Variants in TRRAP observed in about 807,000 individuals in gnomAD.
The protein encoded by TRRAP is transformation/transcription domain associated protein.
TRRAP carries 41 observed loss-of-function variants against 438.8 expected under a neutral mutation model. The ratio of observed to expected loss-of-function variants is 0.09; its 90% CI spans 0.07 to 0.12. The LOEUF is 0.12. TRRAP is among the 10% of genes least tolerant of loss of function. TRRAP has a pLI of 1.00. For missense variants in TRRAP, 3,122 were observed against 5,055.1 expected (o/e 0.62, Z 11.60); for synonymous variants, 1,994 against 1,962.9 (o/e 1.02, Z -0.42).
chr7:98,921,599 C>CT (rs545720707), intron 20 of TRRAP, among the ~76,000 whole-genome samples, 154 bp from the exon 21 acceptor site: 43 of 152,318 alleles, frequency 2.8e-4, no homozygotes, highest in African/African-American at 1.0e-3. Flanking sequence ...TGGTCTTGAA[C>CT]TCCTGACGTC....
At chr7:98,924,705 A>AG (rs1482830820) in intron 21 of TRRAP, among the ~76,000 whole-genome samples, 1 of 139,218 alleles carries the variant, frequency 7.2e-6, no homozygotes, top group Non-Finnish European at 1.5e-5. Flanking sequence ...AAAAAAAAAA[A>AG]AGGTTCTTCT....
At chr7:98,940,710 G>A (rs562472645) in intron 30 of TRRAP, among the ~76,000 whole-genome samples, 10 of 152,292 alleles carry the variant, frequency 6.6e-5, no homozygotes, top group South Asian at 4.1e-4. Context: ...GCATCCAGAC[G>A]TTTTCATCCA....
rs1793580102 is a variant in TRRAP at position 98,994,928 on chromosome 7, G to A, written c.10309+80G>A. ...TCCGGCTTTAGTGTTGAAGCTGATT[G>A]GATCCTTGGTTTTCTGATCACTGCA... is the stretch of plus-strand genomic sequence containing the variant. On this transcript the variant is annotated intron_variant, in intron 67 of 72. Transcript: ENST00000456197. This position sits in a 1 kb window ranked among gnomAD's most constrained non-coding sequence, Gnocchi z 4.8. 1.3e-6 allele frequency: 2 copies of A among 1,558,212 alleles called. No homozygotes were observed. The highest frequency in any genetic ancestry group is 1.7e-6 in the Non-Finnish European group (2 of 1,152,324).
intron 67 of TRRAP, among the ~76,000 whole-genome samples, chr7:99,000,432 C>A (rs1031988794): frequency 6.6e-6 from 1 of 152,218 alleles, no homozygotes; most frequent in Non-Finnish European, 1.5e-5. Flanking sequence ...TATGGAAATC[C>A]TGCCATGTGG....
rs570799473 is a variant in TRRAP at position 98,961,472 on chromosome 7, C to T, written c.6701C>T (p.Pro2234Leu). ...SRLMSIFPTE[P>L]STSSVASKYE... Reference sequence around the variant, plus strand: ...CTGATGAGCATTTTCCCAACAGAGCCGAGTATGTGACCTTTCCCACCGGTG... The same window carrying T: ...CTGATGAGCATTTTCCCAACAGAGCTGAGTATGTGACCTTTCCCACCGGTG... Residue 2234 changes from proline (P) to leucine (L), a missense_variant and splice_region_variant, in exon 46 of 73, where the codon CCG (proline) becomes CTG (leucine). This residue lies in a region of TRRAP where 992 missense variants were observed against 1,281.2 expected (regional missense o/e 0.77). Coordinates refer to ENST00000456197, the MANE Select transcript of TRRAP (RefSeq NM_001375524.1). 5.0e-6 allele frequency: 8 copies of T among 1,613,934 alleles called. No homozygotes were observed. The highest frequency in any genetic ancestry group is 2.2e-5 in the East Asian group (1 of 44,880).
chr7:98,987,585 T>G (rs1793206506), intron 62 of TRRAP, among the ~76,000 whole-genome samples: 1 of 152,246 alleles, frequency 6.6e-6, no homozygotes. Context: ...AATAGCTTTT[T>G]GGGGATTCTT....
intron 47 of TRRAP, among the ~76,000 whole-genome samples, chr7:98,962,766 C>T (rs1053676935): frequency 6.6e-6 from 1 of 152,202 alleles, no homozygotes; most frequent in East Asian, 1.9e-4. Flanking sequence ...CTTTCACCAC[C>T]AGCCTGCCTG....
rs538178063 is a variant in TRRAP at position 98,953,644 on chromosome 7, G to C, written c.5730+211G>C. On this transcript the variant is annotated intron_variant, in intron 40 of 72. Coordinates refer to ENST00000456197, the MANE Select transcript of TRRAP (RefSeq NM_001375524.1). ...GTAGAATAGAGATTGCGGGGGTTGG[G>C]GAGAGGGGGTGGGGAGCGAGTATTG... Among the ~76,000 whole-genome samples the C allele has an allele frequency of 9.8e-5, 15 of 152,292 alleles. 1 individual carries two copies. In the South Asian group the frequency reaches 3.1e-3, roughly 32 times the overall value.
chr7:98,948,518 T>G lies in TRRAP; in HGVS notation c.4669-48T>G. 1 of 1,613,956 alleles carries G rather than the reference T, an allele frequency of 6.2e-7. No homozygotes were observed. Among genetic ancestry groups the G allele is most frequent in the South Asian group, 1.1e-5 (1 of 91,062 alleles). On this transcript the variant is annotated intron_variant, in intron 34 of 72. Transcript: ENST00000456197. The surrounding 1 kb of genome is among the most constrained non-coding windows in gnomAD (Gnocchi z 4.9). ...CCTTGTTAGGTAGACAGCCTCAAGCTCTGAGAAGAGGAAGTTGTGAGATGC... is the reference window on the plus strand; with the variant it reads ...CCTTGTTAGGTAGACAGCCTCAAGCGCTGAGAAGAGGAAGTTGTGAGATGC...
chr7:98,953,674 G>A (rs1209476724), intron 40 of TRRAP, among the ~76,000 whole-genome samples: 5 of 152,198 alleles, frequency 3.3e-5, no homozygotes, highest in Admixed American at 1.3e-4. Flanking sequence ...GTATTGAATG[G>A]TGCGGAGTTT....
intron 53 of TRRAP, 189 bp from the exon 54 acceptor site, chr7:98,975,960 A>G (rs1327606475): frequency 2.8e-6 from 2 of 717,176 alleles, no homozygotes; most frequent in East Asian, 2.9e-5. Context: ...TGCTAAGTGC[A>G]CCATGGCTTC....
chr7:98,927,191 T>C lies in TRRAP; in HGVS notation c.3000T>C (p.Asn1000=). ...GCTTTACAGAAAAGACCATCCCCAA[T>C]GTTATCATCTCACATCGCTACAAAG... ...HPNFTEKTIP[N]VIISHRYKAQ... is the part of the protein sequence containing the mutation. Residue 1000 remains asparagine (N), a synonymous_variant, in exon 23 of 73, where the codon AAT becomes AAC. Coordinates refer to ENST00000456197, the MANE Select transcript of TRRAP (RefSeq NM_001375524.1). 6.2e-7 allele frequency: 1 copy of C among 1,614,234 alleles called. No individual in the cohort carries two copies. Among genetic ancestry groups the C allele is most frequent in the Non-Finnish European group, 8.5e-7 (1 of 1,180,038 alleles).
In TRRAP at chr7:98,964,647, A is replaced by T. The variant is rs993652034; in HGVS notation, c.6848A>T (p.Lys2283Met). The change falls in exon 48 of 73, where the codon AAG becomes ATG. Residue 2283 changes from lysine (K) to methionine (M), a missense_variant. This residue lies in a region of TRRAP where 992 missense variants were observed against 1,281.2 expected (regional missense o/e 0.77). Transcript: ENST00000456197. ...SQLFGTLMILKSACSNNPSYI... is the reference protein window; with the variant it reads ...SQLFGTLMILMSACSNNPSYI... ...ATTTTAGGGACCCTTATGATCCTCA[A>T]GTCTGCCTGCAGCAACAACCCCAGC... 11 of 1,613,938 alleles carry T rather than the reference A, an allele frequency of 6.8e-6. No homozygotes were observed. Among genetic ancestry groups the T allele is most frequent in the Non-Finnish European group, 9.3e-6 (11 of 1,179,946 alleles).
At chr7:98,981,464 C>A (rs1408137735) in intron 58 of TRRAP, among the ~76,000 whole-genome samples, 2 of 152,184 alleles carry the variant, frequency 1.3e-5, no homozygotes, top group Non-Finnish European at 2.9e-5. Context: ...TTCATCTGAT[C>A]TGTCATAACA....
chr7:98,988,024 C>T (rs185156676), intron 62 of TRRAP, among the ~76,000 whole-genome samples: 115 of 152,098 alleles, frequency 7.6e-4, no homozygotes, highest in Non-Finnish European at 1.3e-3. Flanking sequence ...GTTGAACCAC[C>T]CTTATTGCTG....
intron 57 of TRRAP, 68 bp from the exon 58 acceptor site, chr7:98,978,701 C>G: frequency 1.2e-6 from 2 of 1,603,198 alleles, no homozygotes; most frequent in Admixed American, 1.7e-5. Flanking sequence ...AAAACCCTGT[C>G]CCTGCCTTTG....
intron 30 of TRRAP, among the ~76,000 whole-genome samples, chr7:98,942,670 G>C (rs1372033200): frequency 6.6e-6 from 1 of 152,234 alleles, no homozygotes; most frequent in African/African-American, 2.4e-5. Flanking sequence ...TGAACAGCTA[G>C]GAAACAAGTT....
intron 40 of TRRAP, 105 bp downstream of exon 40, chr7:98,953,538 C>G: frequency 6.9e-7 from 1 of 1,458,700 alleles, no homozygotes; most frequent in Non-Finnish European, 9.2e-7. Context: ...TCTCCCAAAA[C>G]CAATAAAAAC....
chr7:98,914,994 CAA>C (rs548359362), intron 18 of TRRAP, among the ~76,000 whole-genome samples: 200 of 150,292 alleles, frequency 1.3e-3, no homozygotes, highest in African/African-American at 4.3e-3. Flanking sequence ...TTTGACAAAA[CAA>C]AATAAAAAGT....
Sources: allele counts gnomAD v4.1 joint callset (sites outside exome capture counted in the v4.1 genomes callset), GRCh38; gene constraint gnomAD v4.1.1; regional missense constraint gnomAD v4.1.1; non-coding constraint Gnocchi (gnomAD v3.1); transcripts MANE v1.5; gene names NCBI Gene and HGNC (gene_info 2026-07-23, HGNC 2026-07-21).